ARHGAP17: variants seen among roughly 807,000 people sequenced by gnomAD.
ARHGAP17 encodes Rho GTPase activating protein 17, also known as rho GTPase-activating protein 17.
In ARHGAP17, 57 loss-of-function variants were observed where a neutral mutation model predicts 99.5. That is an observed-to-expected ratio of 0.57 (90% CI 0.46 to 0.71). The LOEUF (loss-of-function observed/expected upper bound fraction) is 0.71, where lower values mean the gene tolerates loss of function less well. ARHGAP17 is among the 30% of genes least tolerant of loss of function. The pLI is 0.00. For missense variants in ARHGAP17, 1,000 were observed against 1,122.4 expected (o/e 0.89, Z 1.56); for synonymous variants, 417 against 429.6 (o/e 0.97, Z 0.36).
intron 1 of ARHGAP17, among the ~76,000 whole-genome samples, chr16:24,998,657 C>T (rs1286406102): frequency 6.6e-6 from 1 of 152,216 alleles, no homozygotes; most frequent in Non-Finnish European, 1.5e-5. Context: ...TTCATTCAGC[C>T]CAGCTGAGCT....
intron 7 of ARHGAP17, among the ~76,000 whole-genome samples, chr16:24,963,235 T>G (rs748559236): frequency 6.6e-6 from 1 of 152,248 alleles, no homozygotes; most frequent in African/African-American, 2.4e-5. Flanking sequence ...TATCATCTTT[T>G]AAACATAAAA....
chr16:24,986,010 C>G (rs1451385440), intron 1 of ARHGAP17, among the ~76,000 whole-genome samples: 1 of 152,150 alleles, frequency 6.6e-6, no homozygotes, highest in Non-Finnish European at 1.5e-5. Flanking sequence ...CAAGGCAGCA[C>G]CACCAAACCC....
intron 1 of ARHGAP17, among the ~76,000 whole-genome samples, chr16:25,004,496 C>T (rs1453284777): frequency 6.6e-6 from 1 of 152,184 alleles, no homozygotes; most frequent in Non-Finnish European, 1.5e-5. Context: ...CCAATGACCA[C>T]GTGATATCCA....
chr16:24,942,937 T>A (rs1360534469), intron 15 of ARHGAP17, among the ~76,000 whole-genome samples: 1 of 152,170 alleles, frequency 6.6e-6, no homozygotes, highest in Admixed American at 6.5e-5. Flanking sequence ...CTGGGCAACC[T>A]ATATGAATGA....
intron 15 of ARHGAP17, among the ~76,000 whole-genome samples, chr16:24,943,038 C>T (rs9926865): frequency 4.6e-5 from 7 of 152,174 alleles, no homozygotes; most frequent in Non-Finnish European, 8.8e-5. Context: ...TTGCACCCCA[C>T]GGGACATGGC....
rs1597380694 is a variant in ARHGAP17 at position 24,942,103 on chromosome 16, G to A, written c.1374C>T (p.Thr458=). 6.2e-7 allele frequency: 1 copy of A among 1,614,046 alleles called. No homozygotes were observed. The highest frequency in any genetic ancestry group is 8.5e-7 in the Non-Finnish European group (1 of 1,179,964). The part of the protein sequence containing the change: ...FNVSEAFVPL[T]TPSSNHSFHT... Reference sequence around the variant, plus strand: ...GGAATGAGTGATTAGAACTCGGGGTGGTGAGAGGTACAAATGCTTCTGATA... The same window carrying A: ...GGAATGAGTGATTAGAACTCGGGGTAGTGAGAGGTACAAATGCTTCTGATA... Residue 458 remains threonine, a synonymous_variant, in exon 16 of 20, where the codon ACC becomes ACT. Transcript: ENST00000289968.
chr16:25,002,256 A>G (rs939865169), intron 1 of ARHGAP17, among the ~76,000 whole-genome samples: 3 of 152,160 alleles, frequency 2.0e-5, no homozygotes, highest in Non-Finnish European at 4.4e-5. Flanking sequence ...TGTAAATAAC[A>G]TCTACATCAA....
chr16:24,981,079 A>C (rs1012723136), intron 1 of ARHGAP17, among the ~76,000 whole-genome samples: 3 of 152,220 alleles, frequency 2.0e-5, no homozygotes, highest in Non-Finnish European at 4.4e-5. Flanking sequence ...GATGTGGGAA[A>C]GTTAGTAATA....
rs187237511 is a variant in ARHGAP17, at chr16:24,991,498, G to A, written c.54-12493C>T. 3.3e-5 allele frequency among the ~76,000 whole-genome samples: 5 copies of A among 152,326 alleles called. No individual in the cohort carries two copies. The South Asian group carries it at 8.3e-4, about 25-fold the overall frequency. On this transcript the variant is annotated intron_variant, in intron 1 of 19. Coordinates refer to ENST00000289968, the MANE Select transcript of ARHGAP17 (RefSeq NM_001006634.3). ...ACACAAAAACAAAAAGCTAGTCAGA[G>A]TTAGAGCAGGAGTAGCGCAGGACGT...
intron 17 of ARHGAP17, 169 bp from the exon 18 acceptor site, chr16:24,935,808 G>C (rs1226827552): frequency 4.0e-6 from 3 of 743,016 alleles, no homozygotes; most frequent in Non-Finnish European, 6.7e-6. Flanking sequence ...ATGTTTACTT[G>C]GTGCCATATA....
chr16:24,932,035 T>C (rs1377293248), intron 18 of ARHGAP17, among the ~76,000 whole-genome samples: 1 of 150,570 alleles, frequency 6.6e-6, no homozygotes, highest in East Asian at 2.0e-4. Flanking sequence ...GAGGATCCCA[T>C]GAGCCTGGGA....
chr16:24,975,446 A>G (rs1448064388), intron 3 of ARHGAP17, among the ~76,000 whole-genome samples: 1 of 152,192 alleles, frequency 6.6e-6, no homozygotes, highest in Admixed American at 6.5e-5. Flanking sequence ...AGAGCAGAAG[A>G]AGGCAACAGA....
intron 1 of ARHGAP17, among the ~76,000 whole-genome samples, chr16:25,005,087 C>T (rs2053470381): frequency 6.6e-6 from 1 of 152,090 alleles, no homozygotes; most frequent in Admixed American, 6.5e-5. Flanking sequence ...AGCTAATTTT[C>T]GTATTTTTAG....
chr16:24,930,091 T>A (rs1010259405), intron 19 of ARHGAP17, among the ~76,000 whole-genome samples: 1 of 152,230 alleles, frequency 6.6e-6, no homozygotes, highest in Non-Finnish European at 1.5e-5. Flanking sequence ...AAAATGGTCA[T>A]GTTCTAGACT....
chr16:24,935,364 G>T, intron 18 of ARHGAP17, 106 bp downstream of exon 18: 1 of 1,295,430 alleles, frequency 7.7e-7, no homozygotes, highest in Non-Finnish European at 1.0e-6. Flanking sequence ...TTTTACAACA[G>T]ACATAGAAAA....
At chr16:24,948,739 C>T (rs572792747) in intron 13 of ARHGAP17, among the ~76,000 whole-genome samples, 2 of 151,834 alleles carry the variant, frequency 1.3e-5, no homozygotes, top group Admixed American at 1.3e-4. Flanking sequence ...ACTATTCTGA[C>T]TGGTCACTTA....
rs374035712 is a variant in ARHGAP17, at chr16:24,944,352, T to G, written c.1242-490A>C. On this transcript the variant is annotated intron_variant, in intron 14 of 19. Transcript: ENST00000289968. ...TCACCCAGGAAAAAATGACTCTGGCTTGGCTGCTCCTTAGTGTGCACTGTG... is the reference window on the plus strand; with the variant it reads ...TCACCCAGGAAAAAATGACTCTGGCGTGGCTGCTCCTTAGTGTGCACTGTG... Among the ~76,000 whole-genome samples the G allele has an allele frequency of 1.3e-3, 198 of 152,138 alleles. No homozygotes were observed. In the South Asian group the frequency reaches 0.028, roughly 21 times the overall value.
chr16:24,975,186 C>T (rs1406868435), intron 3 of ARHGAP17, among the ~76,000 whole-genome samples: 1 of 152,082 alleles, frequency 6.6e-6, no homozygotes, highest in Non-Finnish European at 1.5e-5. Context: ...ATAAGAAAGC[C>T]CCCCAGTTTC....
At chr16:24,935,870 C>T (rs921572712) in intron 17 of ARHGAP17, 10 of 521,342 alleles carry the variant, frequency 1.9e-5, no homozygotes, top group Non-Finnish European at 3.4e-5. Flanking sequence ...TGAGGTCTTG[C>T]TATGTTGCCC....
Sources: allele counts gnomAD v4.1 joint callset (sites outside exome capture counted in the v4.1 genomes callset), GRCh38; gene constraint gnomAD v4.1.1; transcripts MANE v1.5; gene names NCBI Gene and HGNC (gene_info 2026-07-23, HGNC 2026-07-21).